Variants in WDHD1 observed in about 807,000 individuals in gnomAD.
WDHD1 encodes WD repeat and HMG-box DNA-binding protein 1.
Under a neutral mutation model 135.4 loss-of-function variants are expected in WDHD1, and 111 were observed. The observed-to-expected ratio is 0.82, with a 90% confidence interval of 0.70 to 0.96. The LOEUF (loss-of-function observed/expected upper bound fraction) is 0.96, where lower values mean the gene tolerates loss of function less well. Among genes scored for constraint, WDHD1 ranks in the 40% least tolerant of loss-of-function variants. The pLI is 0.00. For synonymous variants in WDHD1, 434 were observed against 439.0 expected (o/e 0.99, Z 0.14); for missense variants, 1,351 against 1,336.3 (o/e 1.01, Z -0.17).
At chr14:54,987,122 C>T (rs371022554) in intron 14 of WDHD1, 24 bp downstream of exon 14, 4 of 1,609,478 alleles carry the variant, frequency 2.5e-6, no homozygotes, top group Admixed American at 3.4e-5. Flanking sequence ...TACTTCAAGT[C>T]ATAAAAGACT....
intron 11 of WDHD1, 34 bp from the exon 12 acceptor site, chr14:54,991,434 C>T (rs762465074): frequency 1.0e-5 from 16 of 1,577,822 alleles, no homozygotes; most frequent in South Asian, 5.7e-5. Flanking sequence ...AAGGGAATCA[C>T]GAATACCAAT....
chr14:55,022,651 C>T (rs890699039), intron 2 of WDHD1, among the ~76,000 whole-genome samples: 11 of 151,828 alleles, frequency 7.2e-5, no homozygotes, highest in Admixed American at 3.3e-4. Context: ...CACTGCACTC[C>T]AGCCGGTGAG....
At chr14:54,995,381 C>CTTCCTTCT (rs34670443) in intron 11 of WDHD1, among the ~76,000 whole-genome samples, 1 of 139,176 alleles carries the variant, frequency 7.2e-6, no homozygotes, top group Non-Finnish European at 1.7e-5. Flanking sequence ...TATTTCCTTC[C>CTTCCTTCT]ATTTGCTTGG....
In WDHD1 at chr14:55,005,562, T is replaced by G; in HGVS notation, c.600+1718A>C. ...AGATTTATGATGTAGATGCCAACAC[T>G]TTTCCTTTTATAGATGTACTGTCCC... On this transcript the variant is annotated intron_variant, in intron 7 of 25. Coordinates refer to ENST00000360586, the MANE Select transcript of WDHD1 (RefSeq NM_007086.4). The G allele has an allele frequency of 5.0e-6, 3 of 599,990 alleles. No homozygotes were observed. The Admixed American group carries it at 5.7e-5, about 11-fold the overall frequency. The allele number at this position is 599,990 out of a possible 1,614,324, so 37.2% of individuals were successfully genotyped here. A position where few individuals can be genotyped will look rare whatever the true frequency, so the allele number is the denominator to read the frequency against.
At chr14:54,984,927 T>A in intron 14 of WDHD1, 67 bp from the exon 15 acceptor site, 1 of 1,570,922 alleles carries the variant, frequency 6.4e-7, no homozygotes. Flanking sequence ...GTCTAAATTA[T>A]TTTCTGTGAA....
intron 24 of WDHD1, among the ~76,000 whole-genome samples, chr14:54,948,732 T>C (rs566370337): frequency 1.3e-5 from 2 of 152,282 alleles, no homozygotes; most frequent in South Asian, 2.1e-4. Flanking sequence ...GATCCACAAG[T>C]AGCCTAACTG....
chr14:55,004,845 C>A, intron 7 of WDHD1: 1 of 505,930 alleles, frequency 2.0e-6, no homozygotes, highest in Non-Finnish European at 3.9e-6. Context: ...CCTATGCATT[C>A]AGTGGTCTGA....
intron 22 of WDHD1, 144 bp from the exon 23 acceptor site, chr14:54,957,348 A>T (rs2041177493): frequency 1.1e-6 from 1 of 951,970 alleles, no homozygotes; most frequent in East Asian, 2.6e-5. Context: ...ATCCAAATTA[A>T]GAATGATACG....
chr14:54,965,955 TAA>T (rs11338389), intron 18 of WDHD1, among the ~76,000 whole-genome samples: 4,583 of 129,366 alleles, frequency 0.035, 230 homozygotes, highest in African/African-American at 0.12. Flanking sequence ...AAACTCCGCC[TAA>T]AAAAAAAAAA....
chr14:54,980,358 G>A (rs773867943), intron 16 of WDHD1, among the ~76,000 whole-genome samples: 14 of 150,178 alleles, frequency 9.3e-5, no homozygotes, highest in Non-Finnish European at 1.8e-4. Context: ...TGGTTTTTTT[G>A]TATATTCACA....
intron 17 of WDHD1, 112 bp from the exon 18 acceptor site, chr14:54,966,718 C>G (rs1188359250): frequency 8.7e-7 from 1 of 1,144,662 alleles, no homozygotes; most frequent in Non-Finnish European, 1.2e-6. Flanking sequence ...CTGAACTCTT[C>G]CTTTCTATAA....
chr14:54,973,418 T>C (rs1345619143), intron 16 of WDHD1, among the ~76,000 whole-genome samples: 1 of 152,190 alleles, frequency 6.6e-6, no homozygotes, highest in Non-Finnish European at 1.5e-5. Context: ...CCTCCCTTCT[T>C]TTTTTTCTGA....
At chr14:55,025,429 C>T (rs866904057) in intron 2 of WDHD1, among the ~76,000 whole-genome samples, 27 of 152,244 alleles carry the variant, frequency 1.8e-4, no homozygotes, top group Admixed American at 4.6e-4. Context: ...GTCTCTGTGT[C>T]TTTTTCTTTC....
intron 3 of WDHD1, among the ~76,000 whole-genome samples, chr14:55,013,194 C>CAAAAAAAAAAAAAAAAAAAAAAAA (rs71448422): frequency 2.9e-4 from 24 of 82,320 alleles, no homozygotes; most frequent in African/African-American, 1.0e-3. Flanking sequence ...GATCCCGTTT[C>CAAAAAAAAAAAAAAAAAAAAAAAA]AAAAAAAAAA....
rs546862577 is a variant in WDHD1, at chr14:54,977,648, G to C, written c.2063+3892C>G. On this transcript the variant is annotated intron_variant, in intron 16 of 25. Coordinates refer to ENST00000360586, the MANE Select transcript of WDHD1 (RefSeq NM_007086.4). ...AGGACTCTTGTTCAAGTCCAGCCTG[G>C]ATAACGTAAGGAGACCCTGTTTCTA... Among the ~76,000 whole-genome samples the C allele has an allele frequency of 3.7e-4, 57 of 152,246 alleles. No individual in the cohort carries two copies. In the South Asian group the frequency reaches 1.0e-2, roughly 27 times the overall value.
chr14:54,942,082 CT>C (rs1200650220), intron 25 of WDHD1, among the ~76,000 whole-genome samples: 1 of 151,848 alleles, frequency 6.6e-6, no homozygotes, highest in Non-Finnish European at 1.5e-5. Context: ...AACCCCGTCT[CT>C]ACTAAAAATA....
intron 25 of WDHD1, among the ~76,000 whole-genome samples, chr14:54,943,923 C>T (rs2040877864): frequency 6.6e-6 from 1 of 151,922 alleles, no homozygotes; most frequent in East Asian, 1.9e-4. Flanking sequence ...ACACTCCTGC[C>T]TGGGTGAAAG....
chr14:54,956,887 GC>G lies in WDHD1; in HGVS notation c.2916+146del, dbSNP rs2041168272. The G allele has an allele frequency of 1.4e-5, 13 of 961,996 alleles. No individual in the cohort carries two copies. In the South Asian group the frequency reaches 2.6e-4, roughly 20 times the overall value. 59.6% of individuals were successfully genotyped at this position (961,996 alleles called of 1,614,324 possible). A position where few individuals can be genotyped will look rare whatever the true frequency, so the allele number is the denominator to read the frequency against. On this transcript the variant is annotated intron_variant, in intron 23 of 25. Transcript: ENST00000360586. ...CTACAGGTATGTGCCACTGTGCCTA[GC>G]TGCAAAAACAGAATTGAACCCACTT...
chr14:54,987,561 T>C (rs1490347742), intron 13 of WDHD1, among the ~76,000 whole-genome samples, 174 bp from the exon 14 acceptor site: 2 of 152,158 alleles, frequency 1.3e-5, no homozygotes, highest in African/African-American at 2.4e-5. Flanking sequence ...AAATGAACTA[T>C]ATTGATATCT....
Sources: allele counts gnomAD v4.1 joint callset (sites outside exome capture counted in the v4.1 genomes callset), GRCh38; gene constraint gnomAD v4.1.1; transcripts MANE v1.5; gene names NCBI Gene and HGNC (gene_info 2026-07-23, HGNC 2026-07-21).